GPHN: variants seen among roughly 807,000 people sequenced by gnomAD.
GPHN encodes gephyrin.
GPHN carries 17 observed loss-of-function variants against 95.5 expected under a neutral mutation model. That is an observed-to-expected ratio of 0.18 (90% CI 0.12 to 0.27). The LOEUF is 0.27. GPHN is among the 10% of genes least tolerant of loss of function. The pLI is 1.00. For synonymous variants in GPHN, 320 were observed against 322.5 expected (o/e 0.99, Z 0.08); for missense variants, 660 against 978.1 (o/e 0.67, Z 4.34).
At chr14:66,750,212 T>C (rs2058315661) in intron 2 of GPHN, among the ~76,000 whole-genome samples, 1 of 151,974 alleles carries the variant, frequency 6.6e-6, no homozygotes, top group Admixed American at 6.6e-5. Context: ...TATATTTTTA[T>C]GTTTTACATT....
chr14:66,838,975 A>G (rs532171652), intron 4 of GPHN, among the ~76,000 whole-genome samples: 1 of 152,348 alleles, frequency 6.6e-6, no homozygotes, highest in East Asian at 1.9e-4. Context: ...AACAAAGTAA[A>G]CAATTTGAAT....
the GPHN span, chr14:67,717,888 A>C: frequency 2.6e-5 from 4 of 152,270 alleles, no homozygotes; most frequent in Non-Finnish European, 5.9e-5. Context: ...ACACAGTGAG[A>C]CCCTGTCTCT....
intron 2 of GPHN, chr14:66,709,432 T>C (rs1315100252): frequency 8.8e-6 from 4 of 455,672 alleles, no homozygotes; most frequent in African/African-American, 6.0e-5. Context: ...GATACCACAA[T>C]AGCTGATCTG....
At chr14:67,357,573 T>C in the GPHN span, among the ~76,000 whole-genome samples, 47,398 of 152,146 alleles carry the variant, frequency 0.31, 11,307 homozygotes, top group African/African-American at 0.64. Flanking sequence ...AGTAAAAGTT[T>C]CAAAGTAAAA....
intron 1 of GPHN, among the ~76,000 whole-genome samples, chr14:66,608,329 T>G (rs1303912368): frequency 1.3e-5 from 2 of 152,150 alleles, no homozygotes; most frequent in African/African-American, 4.8e-5. Context: ...TTTGTTTTTA[T>G]TGCACTGTGA....
At chr14:67,424,029 G>A in the GPHN span, among the ~76,000 whole-genome samples, 1 of 152,034 alleles carries the variant, frequency 6.6e-6, no homozygotes, top group Non-Finnish European at 1.5e-5. Context: ...CCTGAGGTCG[G>A]GAGTTCAAGA....
At chr14:67,385,771 C>G in the GPHN span, 1 of 150,822 alleles carries the variant, frequency 6.6e-6, no homozygotes, top group Non-Finnish European at 1.5e-5. Flanking sequence ...AGCCACCATG[C>G]CCCACCCAAA....
the GPHN span, among the ~76,000 whole-genome samples, chr14:67,311,544 C>A: frequency 6.6e-6 from 1 of 152,116 alleles, no homozygotes; most frequent in Non-Finnish European, 1.5e-5. Flanking sequence ...TCACATGCAA[C>A]TTGCCCAGGT....
At chr14:67,646,519 G>A in the GPHN span, 1 of 707,384 alleles carries the variant, frequency 1.4e-6, no homozygotes, top group Non-Finnish European at 2.5e-6. Context: ...TGTGTCCTGT[G>A]TTGCTCTAAA....
the GPHN span, among the ~76,000 whole-genome samples, chr14:67,486,587 A>C: frequency 6.6e-6 from 1 of 152,156 alleles, no homozygotes; most frequent in Non-Finnish European, 1.5e-5. Flanking sequence ...TGATGGTTTT[A>C]TAAGGGAGAG....
chr14:67,569,820 C>T, the GPHN span: 296 of 756,742 alleles, frequency 3.9e-4, 1 homozygote, highest in Admixed American at 1.2e-4. Context: ...TGTCACTGGC[C>T]TGCTCCTGGA....
intron 17 of GPHN, among the ~76,000 whole-genome samples, chr14:67,126,850 T>C: frequency 6.6e-6 from 1 of 151,650 alleles, no homozygotes; most frequent in Non-Finnish European, 1.5e-5. Flanking sequence ...CCAACCCAAA[T>C]GTCCAACAAT....
chr14:67,446,070 T>C, the GPHN span: 1 of 517,508 alleles, frequency 1.9e-6, no homozygotes, highest in Non-Finnish European at 3.9e-6. Context: ...GTCTGGAATA[T>C]ACAAACTCTC....
intron 8 of GPHN, among the ~76,000 whole-genome samples, chr14:66,932,846 C>G (rs1332116163): frequency 6.6e-6 from 1 of 151,996 alleles, no homozygotes; most frequent in Non-Finnish European, 1.5e-5. Context: ...ATTAGTACAT[C>G]AAAAATTATT....
chr14:67,039,027 T>C (rs1221869723), intron 10 of GPHN, among the ~76,000 whole-genome samples: 2 of 152,218 alleles, frequency 1.3e-5, no homozygotes, highest in Admixed American at 1.3e-4. Flanking sequence ...TCTTGCTCCC[T>C]GACAGTCTTC....
the GPHN span, chr14:67,650,945 C>T: frequency 6.2e-7 from 1 of 1,603,894 alleles, no homozygotes; most frequent in Non-Finnish European, 8.5e-7. Flanking sequence ...TGACATGTTT[C>T]ACAACAGGCA....
the GPHN span, among the ~76,000 whole-genome samples, chr14:67,671,128 G>A: frequency 6.6e-6 from 1 of 152,316 alleles, no homozygotes; most frequent in African/African-American, 2.4e-5. Flanking sequence ...TGTGAATGAG[G>A]TAGTGAATAA....
the GPHN span, chr14:67,365,109 C>T: frequency 8.0e-7 from 1 of 1,243,066 alleles, no homozygotes; most frequent in Non-Finnish European, 1.1e-6. Context: ...AAAAAAAAAG[C>T]TCCTTTTATA....
chr14:67,309,265 A>T, the GPHN span, among the ~76,000 whole-genome samples: 6 of 152,198 alleles, frequency 3.9e-5, no homozygotes, highest in African/African-American at 1.4e-4. Flanking sequence ...AGATTGGTGG[A>T]GATAACTTCT....
Sources: allele counts gnomAD v4.1 joint callset (sites outside exome capture counted in the v4.1 genomes callset), GRCh38; gene constraint gnomAD v4.1.1; transcripts MANE v1.5; gene names NCBI Gene and HGNC (gene_info 2026-07-23, HGNC 2026-07-21).